The following SPSB4 variants were observed in gnomAD, a reference collection of about 807,000 sequenced individuals.
SPSB4 encodes splA/ryanodine receptor domain and SOCS box containing 4, also known as SPRY domain-containing SOCS box protein 4.
A neutral mutation model predicts 20.9 loss-of-function variants in SPSB4; 21 were observed. The ratio of observed to expected loss-of-function variants is 1.01; its 90% CI spans 0.71 to 1.45. SPSB4 has a LOEUF of 1.45. Ranked by LOEUF, SPSB4 falls within the 40% of genes most tolerant of loss-of-function variation. SPSB4 has a pLI of 0.00. For synonymous variants in SPSB4, 207 were observed against 183.8 expected (o/e 1.13, Z -1.02); for missense variants, 399 against 399.2 (o/e 1.00, Z 0.00).
At position 141,147,775 on chromosome 3, in the gene SPSB4, A is replaced by G. The variant is rs1324367732; in HGVS notation, c.*506A>G. On this transcript the variant is annotated 3_prime_UTR_variant, in exon 3 of 3. Coordinates refer to ENST00000310546, the MANE Select transcript of SPSB4 (RefSeq NM_080862.3). ...CTTGCCAGGGCGGCAGGATTGTCAC[A>G]CCGTTTTAGGACTCTGTGCCACTTT... 8 of 163,332 alleles carry G rather than the reference A, an allele frequency of 4.9e-5. No individual in the cohort carries two copies. The highest frequency in any genetic ancestry group is 1.1e-4 in the Non-Finnish European group (8 of 73,384). 10.1% of individuals were successfully genotyped at this position (163,332 alleles called of 1,614,324 possible).
At chr3:141,116,826 A>G (rs1416157747) in intron 2 of SPSB4, among the ~76,000 whole-genome samples, 1 of 152,222 alleles carries the variant, frequency 6.6e-6, no homozygotes, top group Non-Finnish European at 1.5e-5. Flanking sequence ...GAGCACTCAG[A>G]TGGGCTTTGA....
At chr3:141,094,433 G>A (rs954270553) in intron 2 of SPSB4, among the ~76,000 whole-genome samples, 3 of 152,222 alleles carry the variant, frequency 2.0e-5, no homozygotes, top group Middle Eastern at 3.2e-3. Context: ...ACGGGGAGAT[G>A]AGGCAGTTCC....
chr3:141,068,262 A>T (rs1937928240), intron 2 of SPSB4, among the ~76,000 whole-genome samples: 1 of 152,188 alleles, frequency 6.6e-6, no homozygotes, highest in African/African-American at 2.4e-5. Context: ...TACAATTGCC[A>T]TTGAATGGCA....
intron 2 of SPSB4, chr3:141,132,163 A>G (rs1352873968): frequency 2.4e-6 from 1 of 423,788 alleles, no homozygotes; most frequent in Non-Finnish European, 4.7e-6. Flanking sequence ...CCTAAAGTCC[A>G]TTATATCTTT....
chr3:141,115,560 T>C (rs1291283035), intron 2 of SPSB4, among the ~76,000 whole-genome samples: 3 of 152,234 alleles, frequency 2.0e-5, no homozygotes, highest in East Asian at 3.8e-4. Context: ...TTGCAGCCTT[T>C]GATCTAAATT....
intron 2 of SPSB4, among the ~76,000 whole-genome samples, chr3:141,121,222 G>A (rs977926780): frequency 6.6e-6 from 1 of 152,180 alleles, no homozygotes; most frequent in Non-Finnish European, 1.5e-5. Context: ...TTTTCTTTAA[G>A]AATGTTGAAT....
intron 2 of SPSB4, among the ~76,000 whole-genome samples, chr3:141,102,215 C>T (rs899953603): frequency 6.6e-6 from 1 of 152,162 alleles, no homozygotes; most frequent in African/African-American, 2.4e-5. Flanking sequence ...AGGGTGTAGT[C>T]ACTTAGTAAC....
chr3:141,146,558 G>A (rs1227760030), intron 2 of SPSB4, among the ~76,000 whole-genome samples: 3 of 152,108 alleles, frequency 2.0e-5, no homozygotes, highest in African/African-American at 4.8e-5. Context: ...GGGCGATCAC[G>A]AGGTCAGGAG....
rs145156443 is a variant in SPSB4 at position 141,119,271 on chromosome 3, T to G, written c.695-27871T>G. On this transcript the variant is annotated intron_variant, in intron 2 of 2. Transcript: ENST00000310546. ...GTAGTAATTGTGAATGGGAGTTCAC[T>G]CATGATTTGGCTCTCTGTTTGTCTG... Among the ~76,000 whole-genome samples the G allele has an allele frequency of 9.6e-3, 1,469 of 152,360 alleles. 26 individuals are homozygous for G. The highest frequency in any genetic ancestry group is 0.034 in the African/African-American group (1,407 of 41,578).
At chr3:141,112,632 G>T (rs111611697) in intron 2 of SPSB4, among the ~76,000 whole-genome samples, 1 of 100,760 alleles carries the variant, frequency 9.9e-6, no homozygotes, top group African/African-American at 4.6e-5. Flanking sequence ...GCGACAGAGC[G>T]AGACTCCGTC....
intron 2 of SPSB4, among the ~76,000 whole-genome samples, chr3:141,138,511 T>A (rs959116625): frequency 6.6e-6 from 1 of 152,212 alleles, no homozygotes; most frequent in Non-Finnish European, 1.5e-5. Flanking sequence ...TTTGAATGTG[T>A]CCCAGAGATT....
intron 2 of SPSB4, among the ~76,000 whole-genome samples, chr3:141,140,683 C>T (rs1939310831): frequency 6.6e-6 from 1 of 152,162 alleles, no homozygotes; most frequent in African/African-American, 2.4e-5. Context: ...CCTGATTGTT[C>T]CTTGGGAAGT....
intron 2 of SPSB4, among the ~76,000 whole-genome samples, chr3:141,123,596 T>C (rs963794202): frequency 7.2e-5 from 11 of 152,248 alleles, no homozygotes; most frequent in African/African-American, 2.7e-4. Context: ...CCACGGGGAA[T>C]TGGGGACCCA....
chr3:141,125,547 G>C (rs1001861091), intron 2 of SPSB4, among the ~76,000 whole-genome samples: 1 of 152,220 alleles, frequency 6.6e-6, no homozygotes, highest in Non-Finnish European at 1.5e-5. Context: ...ATGAATTGAA[G>C]TCAACATGTG....
intron 2 of SPSB4, among the ~76,000 whole-genome samples, chr3:141,067,493 T>A (rs143792247): frequency 5.8e-4 from 88 of 152,346 alleles, no homozygotes; most frequent in Non-Finnish European, 1.1e-3. Context: ...AGTTGACAGC[T>A]GCTGAAAAGT....
chr3:141,134,627 T>A (rs561030555), intron 2 of SPSB4, among the ~76,000 whole-genome samples: 1 of 152,306 alleles, frequency 6.6e-6, no homozygotes, highest in Non-Finnish European at 1.5e-5. Flanking sequence ...ATTTATTGAC[T>A]TTTATATGTT....
chr3:141,097,155 C>T (rs1323800357), intron 2 of SPSB4, among the ~76,000 whole-genome samples: 1 of 152,232 alleles, frequency 6.6e-6, no homozygotes, highest in Non-Finnish European at 1.5e-5. Flanking sequence ...CAGCTCCCAG[C>T]CGCCATGTGA....
intron 1 of SPSB4, among the ~76,000 whole-genome samples, chr3:141,062,556 G>A (rs74906040): frequency 0.012 from 1,753 of 152,104 alleles, 45 homozygotes; most frequent in African/African-American, 0.04. Context: ...GAGGCACCCC[G>A]CAGGTTCTAG....
chr3:141,142,155 C>T (rs1037301382), intron 2 of SPSB4, among the ~76,000 whole-genome samples: 5 of 152,270 alleles, frequency 3.3e-5, no homozygotes, highest in South Asian at 2.1e-4. Context: ...CATGTTCTTT[C>T]AGCTTTTTGA....
Sources: gnomAD v4.1 joint callset for allele counts (sites outside exome capture counted in the v4.1 genomes callset) on GRCh38, gnomAD v4.1.1 for gene constraint, MANE v1.5 for transcripts, NCBI Gene and HGNC (gene_info 2026-07-23, HGNC 2026-07-21) for gene names.